Variants in MACROD2 observed in about 807,000 individuals in gnomAD.
The protein encoded by MACROD2 is ADP-ribose glycohydrolase MACROD2.
In MACROD2, 36 loss-of-function variants were observed where a neutral mutation model predicts 70.4. That is an observed-to-expected ratio of 0.51 (90% CI 0.39 to 0.68). The LOEUF (loss-of-function observed/expected upper bound fraction) is 0.68, where lower values mean the gene tolerates loss of function less well. Among genes scored for constraint, MACROD2 ranks in the 30% least tolerant of loss-of-function variants. MACROD2 has a pLI of 0.00. For synonymous variants in MACROD2, 172 were observed against 178.8 expected (o/e 0.96, Z 0.30); for missense variants, 496 against 538.4 (o/e 0.92, Z 0.78).
intron 3 of MACROD2, among the ~76,000 whole-genome samples, chr20:14,145,471 A>C (rs1229554364): frequency 6.6e-6 from 1 of 152,132 alleles, no homozygotes; most frequent in Non-Finnish European, 1.5e-5. Flanking sequence ...CTTTTAGAAA[A>C]TATTGACTCT....
intron 3 of MACROD2, among the ~76,000 whole-genome samples, chr20:14,254,409 T>TGTGTCTTA (rs1299110386): frequency 1.6e-4 from 24 of 152,018 alleles, no homozygotes; most frequent in African/African-American, 5.6e-4. Context: ...AGATAAAGAT[T>TGTGTCTTA]GTGTCTTAGT....
chr20:14,822,331 G>C (rs2038548214), intron 5 of MACROD2, among the ~76,000 whole-genome samples: 1 of 152,146 alleles, frequency 6.6e-6, no homozygotes, highest in South Asian at 2.1e-4. Flanking sequence ...ACTGAAGATG[G>C]ATAAGTTTTA....
intron 8 of MACROD2, among the ~76,000 whole-genome samples, chr20:15,824,886 A>G (rs2063980013): frequency 6.6e-6 from 1 of 152,196 alleles, no homozygotes. Flanking sequence ...TTAGTGAAGG[A>G]ATATGTTCTT....
At chr20:15,515,364 C>T (rs547634146) in intron 8 of MACROD2, among the ~76,000 whole-genome samples, 132 of 152,318 alleles carry the variant, frequency 8.7e-4, no homozygotes, top group African/African-American at 3.0e-3. Context: ...AATTTCTCAG[C>T]GATCAGTGCT....
At chr20:15,809,911 C>T (rs1296777260) in intron 8 of MACROD2, among the ~76,000 whole-genome samples, 2 of 149,606 alleles carry the variant, frequency 1.3e-5, no homozygotes, top group Non-Finnish European at 3.0e-5. Context: ...ATGTGCACAA[C>T]GTGCAGGTTT....
chr20:14,532,626 A>C (rs529157910), intron 4 of MACROD2, among the ~76,000 whole-genome samples: 2 of 152,112 alleles, frequency 1.3e-5, no homozygotes, highest in African/African-American at 4.8e-5. Flanking sequence ...TGAGCAGGTT[A>C]GTTTTCATTA....
intron 5 of MACROD2, among the ~76,000 whole-genome samples, chr20:15,059,401 A>G (rs6034095): frequency 0.11 from 17,231 of 152,148 alleles, 2,517 homozygotes; most frequent in African/African-American, 0.33. Flanking sequence ...AAAGAATAGA[A>G]AAAGAAAAAA....
intron 17 of MACROD2, 119 bp downstream of exon 17, chr20:16,044,758 C>A: frequency 1.2e-6 from 1 of 855,768 alleles, no homozygotes; most frequent in African/African-American, 1.7e-5. Context: ...TTGGGATAAA[C>A]CTTGAAAATC....
intron 3 of MACROD2, among the ~76,000 whole-genome samples, chr20:14,390,963 G>A (rs1344769173): frequency 6.6e-6 from 1 of 151,328 alleles, no homozygotes; most frequent in African/African-American, 2.4e-5. Context: ...TATTAAAAGG[G>A]CAGAAAACAA....
intron 5 of MACROD2, among the ~76,000 whole-genome samples, chr20:14,934,496 G>A (rs1037764124): frequency 1.3e-5 from 2 of 152,112 alleles, no homozygotes; most frequent in South Asian, 2.1e-4. Flanking sequence ...AATCAGAAAA[G>A]GTTTAACAGG....
At chr20:15,637,985 C>T (rs369176295) in intron 8 of MACROD2, among the ~76,000 whole-genome samples, 163 of 152,236 alleles carry the variant, frequency 1.1e-3, no homozygotes, top group African/African-American at 3.6e-3. Context: ...GCCATGCTGT[C>T]GGCTATAAAC....
intron 6 of MACROD2, among the ~76,000 whole-genome samples, chr20:15,268,861 A>G (rs935881078): frequency 6.6e-6 from 1 of 151,896 alleles, no homozygotes; most frequent in African/African-American, 2.4e-5. Flanking sequence ...CCACCCATGA[A>G]CTCCCCACGG....
Position 15,919,032 on chromosome 20 carries a change from G to T in MACROD2, c.776-14244G>T, listed in dbSNP as rs918952188. Among the ~76,000 whole-genome samples, 5 of 152,306 alleles carry T rather than the reference G, an allele frequency of 3.3e-5. No homozygotes were observed. In the South Asian group the frequency reaches 1.0e-3, roughly 32 times the overall value. ...TCATTTTCAATGAGTGCAGTCACTT[G>T]CAGAGATCTCTCTTTTCATAGATCA... On this transcript the variant is annotated intron_variant, in intron 10 of 17. Coordinates refer to ENST00000684519, the MANE Select transcript of MACROD2 (RefSeq NM_001351661.2).
intron 4 of MACROD2, among the ~76,000 whole-genome samples, chr20:14,647,691 G>T (rs182462442): frequency 5.7e-4 from 86 of 152,096 alleles, no homozygotes; most frequent in Non-Finnish European, 6.2e-4. Flanking sequence ...TCACAATGAT[G>T]ACAAACATCC....
intron 10 of MACROD2, among the ~76,000 whole-genome samples, chr20:15,898,145 G>A (rs910816881): frequency 6.6e-6 from 1 of 152,068 alleles, no homozygotes; most frequent in African/African-American, 2.4e-5. Flanking sequence ...AACTGACATA[G>A]GCAAATCTCC....
At chr20:14,489,876 T>A (rs1158927079) in intron 3 of MACROD2, among the ~76,000 whole-genome samples, 33 of 129,352 alleles carry the variant, frequency 2.6e-4, no homozygotes, top group Admixed American at 4.7e-4. Context: ...TTTTTTTTTT[T>A]AAAAGACAGA....
At chr20:14,099,181 G>C (rs534743267) in intron 3 of MACROD2, among the ~76,000 whole-genome samples, 1 of 152,216 alleles carries the variant, frequency 6.6e-6, no homozygotes, top group Admixed American at 6.5e-5. Context: ...AGGAGGCTGA[G>C]GCAGGAGAAT....
At chr20:15,654,363 TAAC>T (rs1231366453) in intron 8 of MACROD2, among the ~76,000 whole-genome samples, 3 of 152,128 alleles carry the variant, frequency 2.0e-5, no homozygotes, top group Non-Finnish European at 4.4e-5. Flanking sequence ...CAATACCTCT[TAAC>T]AGCCTGGGGG....
At chr20:15,173,775 T>G (rs2076439954) in intron 5 of MACROD2, among the ~76,000 whole-genome samples, 1 of 152,176 alleles carries the variant, frequency 6.6e-6, no homozygotes, top group Non-Finnish European at 1.5e-5. Context: ...TTGCATATTT[T>G]TAATTGAAGC....
Sources: gnomAD v4.1 joint callset for allele counts (sites outside exome capture counted in the v4.1 genomes callset) on GRCh38, gnomAD v4.1.1 for gene constraint, MANE v1.5 for transcripts, NCBI Gene and HGNC (gene_info 2026-07-23, HGNC 2026-07-21) for gene names.